NPEPPS: variants seen among roughly 807,000 people sequenced by gnomAD.
NPEPPS encodes aminopeptidase puromycin sensitive.
Under a neutral mutation model 115.5 loss-of-function variants are expected in NPEPPS, and 14 were observed. The observed-to-expected ratio is 0.12, with a 90% CI of 0.08 to 0.19. The LOEUF (loss-of-function observed/expected upper bound fraction) is 0.19, where lower values mean the gene tolerates loss of function less well. NPEPPS is among the 10% of genes least tolerant of loss of function. The pLI, the probability that NPEPPS is intolerant of heterozygous loss-of-function variation, is 1.00. For missense variants in NPEPPS, 523 were observed against 1,110.8 expected (o/e 0.47, Z 7.52); for synonymous variants, 285 against 390.6 (o/e 0.73, Z 3.19).
chr17:47,529,346 T>G (rs1197569890), upstream of NPEPPS, among the ~76,000 whole-genome samples: 9 of 149,894 alleles, frequency 6.0e-5, no homozygotes, highest in African/African-American at 1.7e-4. Context: ...CAAGTGATCC[T>G]CCCGTCTCAG....
chr17:47,570,532 G>A (rs1597849106), intron 3 of NPEPPS, among the ~76,000 whole-genome samples: 1 of 152,168 alleles, frequency 6.6e-6, no homozygotes, highest in Non-Finnish European at 1.5e-5. Context: ...GATCAAATAG[G>A]TATTGTGTTA....
intron 16 of NPEPPS, among the ~76,000 whole-genome samples, chr17:47,604,559 T>A (rs1218070878): frequency 6.6e-6 from 1 of 152,258 alleles, no homozygotes; most frequent in Non-Finnish European, 1.5e-5. Flanking sequence ...CAGCGTAGGT[T>A]AGGTAATTTC....
At chr17:47,588,466 A>G (rs1380944667) in intron 9 of NPEPPS, among the ~76,000 whole-genome samples, 10 of 152,098 alleles carry the variant, frequency 6.6e-5, no homozygotes. Context: ...CTGGAGGTTG[A>G]GGCAGAAGAA....
intron 2 of NPEPPS, among the ~76,000 whole-genome samples, chr17:47,559,369 C>T (rs1486234383): frequency 6.6e-6 from 1 of 152,014 alleles, no homozygotes; most frequent in African/African-American, 2.4e-5. Context: ...TATTTTTGTT[C>T]TAGAATTAAT....
intron 2 of NPEPPS, chr17:47,559,528 T>C: frequency 2.6e-6 from 1 of 378,182 alleles, no homozygotes; most frequent in South Asian, 2.0e-5. Flanking sequence ...AGTAAGCAGG[T>C]ATATGAATAG....
chr17:47,571,290 T>C (rs2143808226), intron 3 of NPEPPS, among the ~76,000 whole-genome samples: 1 of 152,308 alleles, frequency 6.6e-6, no homozygotes, highest in African/African-American at 2.4e-5. Flanking sequence ...TATTTATATC[T>C]TTTGTCTGAT....
chr17:47,543,850 A>C (rs1375630550), intron 1 of NPEPPS, among the ~76,000 whole-genome samples: 1 of 151,664 alleles, frequency 6.6e-6, no homozygotes, highest in Non-Finnish European at 1.5e-5. Flanking sequence ...TGTGCACAGG[A>C]AAACATGGAC....
chr17:47,563,630 G>A (rs1329216582), intron 2 of NPEPPS, among the ~76,000 whole-genome samples: 1 of 151,860 alleles, frequency 6.6e-6, no homozygotes, highest in Non-Finnish European at 1.5e-5. Context: ...GAGTGCAGTG[G>A]CACGATCTCG....
At chr17:47,533,695 T>C (rs1907990579) in intron 1 of NPEPPS, among the ~76,000 whole-genome samples, 1 of 151,992 alleles carries the variant, frequency 6.6e-6, no homozygotes, top group Non-Finnish European at 1.5e-5. Flanking sequence ...CTTACCTCTT[T>C]TCTACTTTTG....
At position 47,590,831 on chromosome 17, in the gene NPEPPS, T is replaced by C. The variant is rs1261967556; in HGVS notation, c.1210T>C (p.Tyr404His). Residue 404 changes from tyrosine (Y) to histidine (H), a missense_variant, in exon 10 of 23, where the codon TAC (tyrosine) becomes CAC (histidine). Physicochemically the swap from Tyr to His is moderately conservative, Grantham distance 83. Transcript: ENST00000322157. ...DIWTQFVSAD[Y>H]TRAQELDALD... is the part of the protein sequence containing the mutation. ...TTGGACTCAGTTTGTTTCTGCTGAT[T>C]ACACCCGTGCCCAGGAGCTTGACGC... The C allele has an allele frequency of 6.2e-6, 10 of 1,608,292 alleles. No homozygotes were observed. Among genetic ancestry groups the C allele is most frequent in the Admixed American group, 3.4e-5 (2 of 59,670 alleles).
intron 14 of NPEPPS, among the ~76,000 whole-genome samples, chr17:47,601,008 A>C (rs985081527): frequency 1.3e-5 from 2 of 152,078 alleles, no homozygotes; most frequent in Non-Finnish European, 2.9e-5. Context: ...GGATCCCTTG[A>C]GGCCAGGAGT....
intron 2 of NPEPPS, chr17:47,559,637 T>G: frequency 2.2e-6 from 1 of 455,898 alleles, no homozygotes. Context: ...TGTTCAGAAG[T>G]TTAATCACAT....
intron 12 of NPEPPS, among the ~76,000 whole-genome samples, chr17:47,594,206 G>A (rs1341283834): frequency 6.6e-6 from 1 of 152,088 alleles, no homozygotes; most frequent in African/African-American, 2.4e-5. Flanking sequence ...ACTTATAGAG[G>A]TTGTTCTAGT....
Position 47,613,862 on chromosome 17 carries a change from T to C in NPEPPS, c.2295+137T>C, listed in dbSNP as rs1238317368. ...TGTAGACATGCAAGTATTTTAAAACTGTGAGAGAATTATGTCTATCCATAT... is the reference window on the plus strand; with the variant it reads ...TGTAGACATGCAAGTATTTTAAAACCGTGAGAGAATTATGTCTATCCATAT... On this transcript the variant is annotated intron_variant, in intron 19 of 22. Coordinates refer to ENST00000322157, the MANE Select transcript of NPEPPS (RefSeq NM_006310.4). 19 of 604,680 alleles carry C rather than the reference T, an allele frequency of 3.1e-5. No individual in the cohort carries two copies. The East Asian group carries it at 5.0e-4, about 16-fold the overall frequency. The allele number at this position is 604,680 out of a possible 1,614,324, so 37.5% of individuals were successfully genotyped here.
In NPEPPS at chr17:47,553,900, G is replaced by A. The variant is rs538358891; in HGVS notation, c.340+7907G>A. ...TGAGTAGCTGGGACTACAGGCGCAT[G>A]CCACCACACCTGGCTAATTTTTTGT... On this transcript the variant is annotated intron_variant, in intron 2 of 22. Coordinates refer to ENST00000322157, the MANE Select transcript of NPEPPS (RefSeq NM_006310.4). Among the ~76,000 whole-genome samples the A allele has an allele frequency of 1.6e-4, 25 of 151,948 alleles. 2 individuals are homozygous for A. The South Asian group carries it at 5.0e-3, about 30-fold the overall frequency.
At chr17:47,615,295 C>T (rs1301696024) in intron 19 of NPEPPS, among the ~76,000 whole-genome samples, 1 of 152,132 alleles carries the variant, frequency 6.6e-6, no homozygotes, top group Non-Finnish European at 1.5e-5. Flanking sequence ...CCAGGCAGGC[C>T]TCGAACTCCT....
At chr17:47,560,972 G>T (rs985980625) in intron 2 of NPEPPS, among the ~76,000 whole-genome samples, 1 of 152,128 alleles carries the variant, frequency 6.6e-6, no homozygotes, top group Non-Finnish European at 1.5e-5. Context: ...TAGATAATTT[G>T]TAAAGGAAAA....
rs1914668522 is a variant in NPEPPS at position 47,622,799 on chromosome 17, C to T, written c.*879C>T. On this transcript the variant is annotated 3_prime_UTR_variant, in exon 23 of 23. Coordinates refer to ENST00000322157, the MANE Select transcript of NPEPPS (RefSeq NM_006310.4). ...GAAATAAAAAGATCTTCAGCCAGGC[C>T]TTTCTGAAGGAGTTATTCTGCTAAA... 1 of 442,558 alleles carries T rather than the reference C, an allele frequency of 2.3e-6. No homozygotes were observed. Among genetic ancestry groups the T allele is most frequent in the Admixed American group, 2.6e-5 (1 of 38,456 alleles). The allele number at this position is 442,558 out of a possible 1,614,324, so 27.4% of individuals were successfully genotyped here.
chr17:47,542,563 A>G (rs1403125818), intron 1 of NPEPPS, among the ~76,000 whole-genome samples: 1 of 151,836 alleles, frequency 6.6e-6, no homozygotes, highest in African/African-American at 2.4e-5. Flanking sequence ...AAAAAAAAAA[A>G]AAAAAAATTG....
Sources: gnomAD v4.1 joint callset for allele counts (sites outside exome capture counted in the v4.1 genomes callset) on GRCh38, gnomAD v4.1.1 for gene constraint, MANE v1.5 for transcripts, NCBI Gene and HGNC (gene_info 2026-07-23, HGNC 2026-07-21) for gene names.